NHERF2: variants seen among roughly 807,000 people sequenced by gnomAD.
NHERF2 encodes Na(+)/H(+) exchange regulatory cofactor NHE-RF2.
At chr16:2,037,864 C>G in the NHERF2 span, 18 of 1,600,906 alleles carry the variant, frequency 1.1e-5, no homozygotes, top group Non-Finnish European at 1.5e-5. Flanking sequence ...TCCAGGAGAG[C>G]GGCCTCCACC....
the NHERF2 span, chr16:2,036,331 G>C: frequency 1.6e-5 from 26 of 1,607,714 alleles, no homozygotes; most frequent in African/African-American, 4.0e-5. Flanking sequence ...CAGGATGTCA[G>C]TGGGCCCCTG....
chr16:2,032,966 G>A, the NHERF2 span: 11 of 1,108,662 alleles, frequency 9.9e-6, no homozygotes, highest in East Asian at 8.4e-5. This position sits in a 1 kb window ranked among gnomAD's most constrained non-coding sequence, Gnocchi z 4.0. Context: ...GTTGGGGCGC[G>A]GTGCCTGCGG....
At chr16:2,027,301 CGAGG>C in the NHERF2 span, 1 of 808,204 alleles carries the variant, frequency 1.2e-6, no homozygotes, top group Non-Finnish European at 1.7e-6. Context: ...CACGGGGGCC[CGAGG>C]GGGCTCCCGC....
the NHERF2 span, among the ~76,000 whole-genome samples, chr16:2,027,406 G>C: frequency 6.6e-6 from 1 of 152,164 alleles, no homozygotes; most frequent in Non-Finnish European, 1.5e-5. Context: ...GGTGGGGGGG[G>C]GCATCCTGGC....
At chr16:2,036,601 G>T in the NHERF2 span, 1 of 1,523,930 alleles carries the variant, frequency 6.6e-7, no homozygotes, top group Non-Finnish European at 8.8e-7. Flanking sequence ...CTGGGAACCT[G>T]AGCTGGTGCG....
chr16:2,032,750 T>A, the NHERF2 span: 3 of 948,494 alleles, frequency 3.2e-6, no homozygotes, highest in Non-Finnish European at 3.8e-6. This position sits in a 1 kb window ranked among gnomAD's most constrained non-coding sequence, Gnocchi z 4.0. Context: ...TGGCCGCAGC[T>A]GCAGTGCAGC....
chr16:2,038,145 C>A, the NHERF2 span: 11 of 852,240 alleles, frequency 1.3e-5, no homozygotes, highest in South Asian at 1.7e-4. Context: ...CCCCTGCCCA[C>A]CAGGTACTGG....
chr16:2,033,638 G>A, the NHERF2 span, among the ~76,000 whole-genome samples: 2 of 152,198 alleles, frequency 1.3e-5, no homozygotes, highest in East Asian at 1.9e-4. Flanking sequence ...CCGGACACAG[G>A]CATGGCTGGG....
At chr16:2,037,110 A>G in the NHERF2 span, 1 of 1,279,266 alleles carries the variant, frequency 7.8e-7, no homozygotes. Flanking sequence ...GTGACACCCG[A>G]TTTTAGCCCT....
the NHERF2 span, chr16:2,029,484 C>T: frequency 2.3e-5 from 27 of 1,177,362 alleles, no homozygotes; most frequent in East Asian, 5.2e-5. Context: ...AGACCAGCCG[C>T]CTGTCCGCAC....
chr16:2,037,655 G>T, the NHERF2 span: 5 of 1,586,876 alleles, frequency 3.2e-6, no homozygotes, highest in Non-Finnish European at 4.3e-6. Flanking sequence ...AGGCCTTGGG[G>T]TAGGCGTCTG....
the NHERF2 span, chr16:2,037,082 C>A: frequency 6.8e-7 from 1 of 1,475,464 alleles, no homozygotes; most frequent in Non-Finnish European, 9.2e-7. Context: ...CCTGGAGATC[C>A]GTCCTCGAGG....
the NHERF2 span, chr16:2,035,908 T>G: frequency 1.6e-5 from 3 of 182,884 alleles, no homozygotes; most frequent in African/African-American, 7.1e-5. Flanking sequence ...ACTGCTGGCC[T>G]AGGAGCGCCT....
At chr16:2,036,719 T>C in the NHERF2 span, 4 of 1,609,584 alleles carry the variant, frequency 2.5e-6, no homozygotes, top group African/African-American at 4.0e-5. Context: ...TACATGCTGG[T>C]GGCGGCAGGT....
the NHERF2 span, chr16:2,029,915 C>T: frequency 1.1e-5 from 8 of 749,376 alleles, no homozygotes; most frequent in Middle Eastern, 7.4e-4. Context: ...CCTTTTCTGC[C>T]CCAGGGACCA....
chr16:2,036,508 C>T, the NHERF2 span: 171 of 1,578,710 alleles, frequency 1.1e-4, no homozygotes, highest in African/African-American at 3.8e-4. Flanking sequence ...ATTGAGGTAC[C>T]GGCCCACCAG....
chr16:2,029,664 G>A, the NHERF2 span: 2,141 of 1,566,774 alleles, frequency 1.4e-3, 1 homozygote, highest in Non-Finnish European at 1.6e-3. Context: ...CTCCGCCGGC[G>A]GCAGCTGACC....
At chr16:2,037,807 C>T in the NHERF2 span, 1 of 1,569,694 alleles carries the variant, frequency 6.4e-7, no homozygotes, top group Non-Finnish European at 8.6e-7. Flanking sequence ...AGACACCCCA[C>T]CCACCGTGCT....
the NHERF2 span, chr16:2,036,106 C>T: frequency 2.3e-5 from 12 of 523,858 alleles, no homozygotes; most frequent in South Asian, 2.2e-4. Flanking sequence ...CTGGGCCCGT[C>T]GGGGAGGCTT....
Sources: gnomAD v4.1 joint callset for allele counts (sites outside exome capture counted in the v4.1 genomes callset) on GRCh38, gnomAD v4.1.1 for gene constraint, Gnocchi (gnomAD v3.1) non-coding constraint, MANE v1.5 for transcripts, NCBI Gene and HGNC (gene_info 2026-07-23, HGNC 2026-07-21) for gene names.